The following MARK2 variants were observed in gnomAD, a reference collection of about 807,000 sequenced individuals.
MARK2 encodes serine/threonine-protein kinase MARK2.
Under a neutral mutation model 89.8 loss-of-function variants are expected in MARK2, and 16 were observed. That is an observed-to-expected ratio of 0.18 (90% CI 0.12 to 0.27). The LOEUF (loss-of-function observed/expected upper bound fraction) is 0.27. Ranked by LOEUF, MARK2 falls within the 10% of genes least tolerant of loss-of-function variation. MARK2 has a pLI of 1.00. For missense variants in MARK2, 621 were observed against 1,049.9 expected (o/e 0.59, Z 5.65); for synonymous variants, 382 against 399.5 (o/e 0.96, Z 0.52).
At chr11:63,870,366 C>T (rs988907551) in intron 1 of MARK2, among the ~76,000 whole-genome samples, 1 of 152,142 alleles carries the variant, frequency 6.6e-6, no homozygotes, top group East Asian at 1.9e-4. Context: ...AGCCGTGGCG[C>T]CCGGCTGGGA....
At chr11:63,880,608 G>A (rs1440561060) in intron 1 of MARK2, among the ~76,000 whole-genome samples, 2 of 152,240 alleles carry the variant, frequency 1.3e-5, no homozygotes, top group African/African-American at 2.4e-5. Flanking sequence ...TAGAGAGGCA[G>A]AGAGAACTGT....
intron 1 of MARK2, among the ~76,000 whole-genome samples, chr11:63,843,899 G>A (rs1305673398): frequency 6.6e-6 from 1 of 151,980 alleles, no homozygotes; most frequent in African/African-American, 2.4e-5. Context: ...TGCTTTTGGT[G>A]TAACTTAGGT....
At position 63,870,267 on chromosome 11, in the gene MARK2, G is replaced by T. The variant is rs192492595; in HGVS notation, c.55-24892G>T. On this transcript the variant is annotated intron_variant, in intron 1 of 18. Coordinates refer to ENST00000402010, the MANE Select transcript of MARK2 (RefSeq NM_001039469.3). The stretch of plus-strand genomic sequence containing the variant: ...TATTTTGTATTTTTGTGGAGACAGG[G>T]TCTTACAATATTGCCCAGGCTGGTC... Among the ~76,000 whole-genome samples the T allele has an allele frequency of 1.1e-4, 17 of 152,310 alleles. No individual in the cohort carries two copies. In the South Asian group the frequency reaches 2.9e-3, roughly 26 times the overall value.
intron 1 of MARK2, chr11:63,888,599 G>C: frequency 3.6e-6 from 4 of 1,117,004 alleles, no homozygotes; most frequent in Non-Finnish European, 4.4e-6. Flanking sequence ...CTTCTGGTGT[G>C]CTGTCCTGGA....
chr11:63,846,998 C>T lies in MARK2; in HGVS notation c.54+7438C>T, dbSNP rs150185243. Among the ~76,000 whole-genome samples, 19 of 152,286 alleles carry T rather than the reference C, an allele frequency of 1.2e-4. No individual in the cohort carries two copies. In the South Asian group the frequency reaches 2.7e-3, roughly 22 times the overall value. On this transcript the variant is annotated intron_variant, in intron 1 of 18. Coordinates refer to ENST00000402010, the MANE Select transcript of MARK2 (RefSeq NM_001039469.3). ...AGTTACCTGGGTGTGGTAGCACATG[C>T]GTGTATCCCACCTACTCAGAAGGCT... is the stretch of plus-strand genomic sequence containing the variant.
chr11:63,849,739 C>T lies in MARK2; in HGVS notation c.54+10179C>T, dbSNP rs143254032. On this transcript the variant is annotated intron_variant, in intron 1 of 18. Coordinates refer to ENST00000402010, the MANE Select transcript of MARK2 (RefSeq NM_001039469.3). ...CTGCACTCCAGCCTGGGCAACAAAG[C>T]AAGACTTTGTCTCAAACAAACAATA... 9.0e-3 allele frequency among the ~76,000 whole-genome samples: 1,368 copies of T among 152,278 alleles called. 26 individuals carry two copies. The highest frequency in any genetic ancestry group is 0.03 in the African/African-American group (1,234 of 41,552).
intron 1 of MARK2, among the ~76,000 whole-genome samples, chr11:63,853,423 A>G (rs1000901711): frequency 6.6e-6 from 1 of 152,162 alleles, no homozygotes; most frequent in Non-Finnish European, 1.5e-5. Context: ...AGCTGCACAC[A>G]TGAAGACCAA....
intron 1 of MARK2, among the ~76,000 whole-genome samples, chr11:63,851,624 G>C (rs1024444499): frequency 1.3e-5 from 2 of 151,806 alleles, no homozygotes; most frequent in Admixed American, 1.3e-4. Flanking sequence ...CTGTTTCTGT[G>C]CCCTGTTTAT....
intron 1 of MARK2, among the ~76,000 whole-genome samples, chr11:63,863,882 G>T (rs1174125786): frequency 6.6e-6 from 1 of 151,980 alleles, no homozygotes; most frequent in East Asian, 1.9e-4. Flanking sequence ...ACACAGTCCT[G>T]CCTGAGCCCC....
rs1941110171 is a variant in MARK2, at chr11:63,903,953, A to G, written c.1515-33A>G. 1 of 1,574,456 alleles carries G rather than the reference A, an allele frequency of 6.4e-7. No homozygotes were observed. The highest frequency in any genetic ancestry group is 8.6e-7 in the Non-Finnish European group (1 of 1,158,202). ...AGGCCTCCCGCCCTCACTCACCCCT[A>G]ACACGGGCCTCTCCGCTGCTTTTGT... On this transcript the variant is annotated intron_variant, in intron 14 of 18. Transcript: ENST00000402010. This position sits in a 1 kb window ranked among gnomAD's most constrained non-coding sequence, Gnocchi z 5.1.
intron 1 of MARK2, among the ~76,000 whole-genome samples, chr11:63,842,042 A>G (rs1341805996): frequency 6.6e-6 from 1 of 152,080 alleles, no homozygotes; most frequent in Non-Finnish European, 1.5e-5. Context: ...ATTATTAATT[A>G]CCCATCCTAT....
In MARK2 at chr11:63,910,643, TTTTA is replaced by T. The variant is rs1941690258; in HGVS notation, c.*1410_*1413del. On this transcript the variant is annotated 3_prime_UTR_variant, in exon 19 of 19. Transcript: ENST00000402010. ...TTGTGATGGGTTTTATTTTTTATTA[TTTTA>T]TTTTATTTTTTTTTTTTTTGATTTA... 2 of 37,484 alleles carry T rather than the reference TTTTA, an allele frequency of 5.3e-5. No homozygotes were observed. The highest frequency in any genetic ancestry group is 4.1e-4 in the Admixed American group (1 of 2,444). The allele number at this position is 37,484 out of a possible 1,614,324, so 2.3% of individuals were successfully genotyped here.
At position 63,904,971 on chromosome 11, in the gene MARK2, C is replaced by G; in HGVS notation, c.1862C>G (p.Ser621Cys). 6.2e-7 allele frequency: 1 copy of G among 1,614,250 alleles called. No homozygotes were observed. Among genetic ancestry groups the G allele is most frequent in the Non-Finnish European group, 8.5e-7 (1 of 1,180,048 alleles). Residue 621 changes from serine (S) to cysteine (C), a missense_variant, in exon 16 of 19, where the codon TCT becomes TGT. By Grantham distance (112) the Ser-to-Cys change is moderately radical. Around this residue, in one of 5 missense-constraint regions of MARK2, gnomAD observed 397 missense variants for 567.8 expected, o/e 0.70. Transcript: ENST00000402010. The surrounding 1 kb of genome is among the most constrained non-coding windows in gnomAD (Gnocchi z 6.3). ...TACGGTGTGACCCCAGCCTCTCCCT[C>G]TGGCCACAGCCAGGGCCGGCGGGGG... ...LPYGVTPASP[S>C]GHSQGRRGAS...
intron 1 of MARK2, among the ~76,000 whole-genome samples, chr11:63,857,494 CTGTTT>C (rs1346284261): frequency 3.3e-5 from 5 of 152,118 alleles, no homozygotes; most frequent in Non-Finnish European, 7.4e-5. Flanking sequence ...TTTTGGTCAG[CTGTTT>C]TGTTTTGATT....
chr11:63,848,079 C>A (rs1020974690), intron 1 of MARK2, among the ~76,000 whole-genome samples: 1 of 152,226 alleles, frequency 6.6e-6, no homozygotes, highest in African/African-American at 2.4e-5. Context: ...CTTCCGGTCA[C>A]CATGTGTGCT....
intron 1 of MARK2, among the ~76,000 whole-genome samples, chr11:63,885,788 C>T (rs557823299): frequency 3.2e-4 from 48 of 149,078 alleles, no homozygotes; most frequent in Admixed American, 2.2e-3. Flanking sequence ...GAGCCGAGAT[C>T]GCACCACTGC....
intron 16 of MARK2, among the ~76,000 whole-genome samples, chr11:63,905,684 C>T (rs565913708): frequency 1.3e-5 from 2 of 152,404 alleles, no homozygotes; most frequent in South Asian, 4.1e-4. Context: ...CCAGCCACCA[C>T]AGAGGTGCAG....
At chr11:63,846,688 C>A (rs1178750439) in intron 1 of MARK2, among the ~76,000 whole-genome samples, 3 of 148,682 alleles carry the variant, frequency 2.0e-5, no homozygotes, top group Non-Finnish European at 3.0e-5. Context: ...CGTTGTCTTG[C>A]CCTGTCGCCC....
rs1048804125 is a variant in MARK2, at chr11:63,909,829, G to C, written c.*592G>C. ...CCTCAGGCCCCTGGGCTGGAGGCCT[G>C]GGCGGTGGGGCAGGGGGCGGGGGTG... is the stretch of plus-strand genomic sequence containing the variant. On this transcript the variant is annotated 3_prime_UTR_variant, in exon 19 of 19. Coordinates refer to ENST00000402010, the MANE Select transcript of MARK2 (RefSeq NM_001039469.3). The C allele has an allele frequency of 1.3e-5, 2 of 152,376 alleles. No homozygotes were observed. Among genetic ancestry groups the C allele is most frequent in the African/African-American group, 4.8e-5 (2 of 41,442 alleles). The allele number at this position is 152,376 out of a possible 1,614,324, so 9.4% of individuals were successfully genotyped here.
Sources: gnomAD v4.1 joint callset for allele counts (sites outside exome capture counted in the v4.1 genomes callset) on GRCh38, gnomAD v4.1.1 for gene constraint, gnomAD v4.1.1 regional missense constraint, Gnocchi (gnomAD v3.1) non-coding constraint, MANE v1.5 for transcripts, NCBI Gene and HGNC (gene_info 2026-07-23, HGNC 2026-07-21) for gene names.